DPYSL3: variants seen among roughly 807,000 people sequenced by gnomAD.
DPYSL3 encodes the protein dihydropyrimidinase like 3.
Under a neutral mutation model 66.1 loss-of-function variants are expected in DPYSL3, and 16 were observed. That is an observed-to-expected ratio of 0.24 (90% confidence interval 0.16 to 0.37). DPYSL3 has a LOEUF of 0.37. DPYSL3 is among the 10% of genes least tolerant of loss of function. The pLI is 1.00. For synonymous variants in DPYSL3, 338 were observed against 345.1 expected (o/e 0.98, Z 0.23); for missense variants, 738 against 916.2 (o/e 0.81, Z 2.51).
At chr5:147,473,637 C>G (rs1753114987) in intron 1 of DPYSL3, among the ~76,000 whole-genome samples, 1 of 152,088 alleles carries the variant, frequency 6.6e-6, no homozygotes, top group African/African-American at 2.4e-5. Flanking sequence ...TGATTGAGCT[C>G]AGCACAGGAT....
chr5:147,397,960 A>G, intron 11 of DPYSL3, 115 bp from the exon 12 acceptor site: 1 of 1,115,968 alleles, frequency 9.0e-7, no homozygotes, highest in South Asian at 1.9e-5. Flanking sequence ...AAGCCAGGAA[A>G]AGCTCACCAT....
chr5:147,494,088 G>A (rs112488706), intron 1 of DPYSL3, among the ~76,000 whole-genome samples: 5,641 of 152,230 alleles, frequency 0.037, 167 homozygotes, highest in Non-Finnish European at 0.056. Context: ...AGCTACTCGG[G>A]AGGCTGAGGC....
chr5:147,414,533 C>T (rs1210035442), intron 4 of DPYSL3, among the ~76,000 whole-genome samples: 3 of 152,150 alleles, frequency 2.0e-5, no homozygotes, highest in Admixed American at 2.0e-4. Flanking sequence ...GAGAACTTCC[C>T]TACCCAGAGT....
Position 147,401,685 on chromosome 5 carries a change from A to G in DPYSL3, c.1165T>C (p.Phe389Leu). ...AGGCTGGCAGTGATGGGCTCACCAA[A>G]GACTACATTTCCTAGAAGGGGCAGG... ...SQARKKGNVV[F>L]GEPITASLGI... The change falls in exon 9 of 14, where the codon TTT (phenylalanine) becomes CTT (leucine). Residue 389 changes from phenylalanine to leucine, a missense_variant. Phe to Leu is a conservative substitution (Grantham distance 22). Transcript: ENST00000343218. 1 of 1,614,122 alleles carries G rather than the reference A, an allele frequency of 6.2e-7. No individual in the cohort carries two copies. The highest frequency in any genetic ancestry group is 1.3e-5 in the African/African-American group (1 of 75,042).
intron 1 of DPYSL3, among the ~76,000 whole-genome samples, chr5:147,488,736 C>T (rs1753372507): frequency 6.6e-6 from 1 of 151,856 alleles, no homozygotes; most frequent in East Asian, 1.9e-4. Context: ...ATATATTGGC[C>T]AGGAGCAGTG....
chr5:147,444,458 G>T (rs1300318551), intron 1 of DPYSL3, among the ~76,000 whole-genome samples: 2 of 152,040 alleles, frequency 1.3e-5, no homozygotes, highest in African/African-American at 4.8e-5. Context: ...TATCTTTTAT[G>T]CAATAAAAAA....
rs750272948 is a variant in DPYSL3, at chr5:147,422,138, TA to T, written c.470+2736del. The stretch of plus-strand genomic sequence containing the variant: ...TAATACCCAGAATCTACAAGGAACT[TA>T]AACAACTTTACAAGAAAAAAACAAA... On this transcript the variant is annotated intron_variant, in intron 2 of 13. Transcript: ENST00000343218. Among the ~76,000 whole-genome samples, 3 of 151,910 alleles carry T rather than the reference TA, an allele frequency of 2.0e-5. No homozygotes were observed. The East Asian group carries it at 5.8e-4, about 29-fold the overall frequency.
At chr5:147,438,524 G>A (rs1200136734) in intron 1 of DPYSL3, among the ~76,000 whole-genome samples, 9 of 152,072 alleles carry the variant, frequency 5.9e-5, no homozygotes, top group South Asian at 2.1e-4. Context: ...GCTTACTATC[G>A]GCAAAGACCA....
At chr5:147,418,841 T>C (rs1454894867) in intron 2 of DPYSL3, among the ~76,000 whole-genome samples, 1 of 152,240 alleles carries the variant, frequency 6.6e-6, no homozygotes, top group Non-Finnish European at 1.5e-5. Context: ...TGATCTGATA[T>C]GCCATTCGGT....
Position 147,465,840 on chromosome 5 carries a change from C to T in DPYSL3, c.382-40877G>A, listed in dbSNP as rs75916361. Among the ~76,000 whole-genome samples, 888 of 152,278 alleles carry T rather than the reference C, an allele frequency of 5.8e-3. 31 individuals are homozygous for T. The East Asian group carries it at 0.11, about 18-fold the overall frequency. ...TGAAGCCTTTGTTAAGACCACAACACGGCTTAACTTGTCCCTCTCCCTGAT... is the reference window on the plus strand; with the variant it reads ...TGAAGCCTTTGTTAAGACCACAACATGGCTTAACTTGTCCCTCTCCCTGAT... On this transcript the variant is annotated intron_variant, in intron 1 of 13. Transcript: ENST00000343218.
intron 8 of DPYSL3, 115 bp downstream of exon 8, chr5:147,405,495 T>C: frequency 2.1e-6 from 3 of 1,396,164 alleles, no homozygotes; most frequent in South Asian, 1.7e-5. Flanking sequence ...AGCGGCTTCC[T>C]AGGGAGCAAG....
chr5:147,479,308 A>G (rs961030102), intron 1 of DPYSL3, among the ~76,000 whole-genome samples: 1 of 152,212 alleles, frequency 6.6e-6, no homozygotes, highest in African/African-American at 2.4e-5. Context: ...TGTCTACTCC[A>G]CAATCAAAAT....
At chr5:147,430,723 A>C (rs933398392) in intron 1 of DPYSL3, among the ~76,000 whole-genome samples, 3 of 152,154 alleles carry the variant, frequency 2.0e-5, no homozygotes, top group Non-Finnish European at 2.9e-5. Flanking sequence ...TCTCCATTTT[A>C]GTTTTCCTCC....
chr5:147,495,120 A>G (rs1253105846), intron 1 of DPYSL3, among the ~76,000 whole-genome samples: 6 of 152,176 alleles, frequency 3.9e-5, no homozygotes, highest in African/African-American at 1.4e-4. Flanking sequence ...GAATTCTACC[A>G]AATATTTAGG....
intron 1 of DPYSL3, among the ~76,000 whole-genome samples, chr5:147,451,700 A>T (rs1334189632): frequency 2.0e-5 from 3 of 152,366 alleles, no homozygotes; most frequent in Non-Finnish European, 2.9e-5. Context: ...TGGATGTTAA[A>T]GCAAGTGGCA....
At chr5:147,441,215 C>G (rs1752527574) in intron 1 of DPYSL3, among the ~76,000 whole-genome samples, 1 of 152,184 alleles carries the variant, frequency 6.6e-6, no homozygotes, top group Non-Finnish European at 1.5e-5. Context: ...CAAAGTACCA[C>G]AGGCTGATGG....
chr5:147,431,764 C>A (rs555328462), intron 1 of DPYSL3, among the ~76,000 whole-genome samples: 1 of 152,222 alleles, frequency 6.6e-6, no homozygotes, highest in Non-Finnish European at 1.5e-5. Context: ...CCCTTTTAAA[C>A]CCAACCCCAC....
In DPYSL3 at chr5:147,397,059, A is replaced by G. The variant is rs139006335; in HGVS notation, c.1803+607T>C. 1.1e-3 allele frequency among the ~76,000 whole-genome samples: 165 copies of G among 147,912 alleles called. 1 individual carries two copies. Among genetic ancestry groups the G allele is most frequent in the African/African-American group, 3.8e-3 (157 of 40,860 alleles). On this transcript the variant is annotated intron_variant, in intron 12 of 13. Transcript: ENST00000343218. ...TATATTTATATATTATTCTATATTT[A>G]TATATTAAGTATATATAAATATAAT...
chr5:147,441,929 A>G (rs1752539757), intron 1 of DPYSL3, among the ~76,000 whole-genome samples: 1 of 152,224 alleles, frequency 6.6e-6, no homozygotes, highest in Admixed American at 6.5e-5. Context: ...AGTCCCTAGA[A>G]GCAGATTATA....
Sources: gnomAD v4.1 joint callset for allele counts (sites outside exome capture counted in the v4.1 genomes callset) on GRCh38, gnomAD v4.1.1 for gene constraint, MANE v1.5 for transcripts, NCBI Gene and HGNC (gene_info 2026-07-23, HGNC 2026-07-21) for gene names.